The following CDH10 variants were observed in gnomAD, a reference collection of about 807,000 sequenced individuals.
CDH10 encodes cadherin 10.
In CDH10, 30 loss-of-function variants were observed where a neutral mutation model predicts 73.1. The observed-to-expected ratio is 0.41, with a 90% confidence interval of 0.31 to 0.56. CDH10 has a LOEUF of 0.56. Ranked by LOEUF, CDH10 falls within the 20% of genes least tolerant of loss-of-function variation. The probability of loss-of-function intolerance (pLI) is 0.27; values close to 1 mark genes in which losing one functional copy is unlikely to be tolerated. For synonymous variants in CDH10, 345 were observed against 348.2 expected (o/e 0.99, Z 0.10); for missense variants, 815 against 973.7 (o/e 0.84, Z 2.17).
rs1055115749 is a variant in CDH10, at chr5:24,625,556, TATATATTCATATATATAC to T, written c.-124+19020_-124+19037del. Among the ~76,000 whole-genome samples, 34 of 86,394 alleles carry T rather than the reference TATATATTCATATATATAC, an allele frequency of 3.9e-4. No homozygotes were observed. The South Asian group carries it at 7.0e-3, about 18-fold the overall frequency. 56.7% of individuals were successfully genotyped at this position (86,394 alleles called of 152,430 possible). A position where few individuals can be genotyped will look rare whatever the true frequency, so the allele number is the denominator to read the frequency against. ...ATCTATTTATCTATCTGTATATATA[TATATATTCATATATATAC>T]ATATATTCATATATATGAATATATA... is the stretch of plus-strand genomic sequence containing the variant. On this transcript the variant is annotated intron_variant, in intron 1 of 11. Transcript: ENST00000264463.
At chr5:24,557,688 C>T (rs559341736) in intron 2 of CDH10, among the ~76,000 whole-genome samples, 13 of 151,714 alleles carry the variant, frequency 8.6e-5, no homozygotes, top group Non-Finnish European at 1.8e-4. Context: ...CCTGAGGTTA[C>T]CAGTAAGCAT....
chr5:24,535,307 T>A (rs375641403), intron 4 of CDH10, 28 bp from the exon 5 acceptor site: 179 of 1,575,048 alleles, frequency 1.1e-4, no homozygotes, highest in Middle Eastern at 1.7e-4. Context: ...AAACTTCCAT[T>A]ATCTTCACTG....
intron 1 of CDH10, among the ~76,000 whole-genome samples, chr5:24,640,932 A>C (rs1481956258): frequency 1.3e-5 from 2 of 151,984 alleles, no homozygotes; most frequent in Non-Finnish European, 2.9e-5. Context: ...AGTTGCATTG[A>C]TAAGAGAGTT....
At chr5:24,636,647 C>T (rs572029506) in intron 1 of CDH10, among the ~76,000 whole-genome samples, 20 of 151,838 alleles carry the variant, frequency 1.3e-4, no homozygotes, top group Non-Finnish European at 2.5e-4. Flanking sequence ...CAAACCTGCA[C>T]ATGTACCCCT....
Position 24,505,013 on chromosome 5 carries a change from T to C in CDH10, c.1393+99A>G. The C allele has an allele frequency of 5.9e-6, 5 of 852,492 alleles. No individual in the cohort carries two copies. The South Asian group carries it at 9.0e-5, about 15-fold the overall frequency. 52.8% of individuals were successfully genotyped at this position (852,492 alleles called of 1,614,324 possible). On this transcript the variant is annotated intron_variant, in intron 8 of 11. Coordinates refer to ENST00000264463, the MANE Select transcript of CDH10 (RefSeq NM_006727.5). ...ATCTGTCCAATGAGAATGAATTATT[T>C]TTAATGTAAAATAAAACCTATAAAA...
intron 2 of CDH10, among the ~76,000 whole-genome samples, chr5:24,567,617 T>C (rs923942995): frequency 6.6e-6 from 1 of 151,884 alleles, no homozygotes; most frequent in Non-Finnish European, 1.5e-5. Context: ...TTGAATGAAA[T>C]CAGAAAGGTG....
intron 1 of CDH10, among the ~76,000 whole-genome samples, chr5:24,620,460 A>AAT (rs1399826410): frequency 6.6e-6 from 1 of 152,188 alleles, no homozygotes; most frequent in Admixed American, 6.5e-5. Context: ...GACCTTGAAT[A>AAT]ATATATATAA....
At chr5:24,570,082 CTA>C (rs1276797575) in intron 2 of CDH10, among the ~76,000 whole-genome samples, 4 of 151,980 alleles carry the variant, frequency 2.6e-5, no homozygotes, top group Non-Finnish European at 4.4e-5. Context: ...TGTGTGTTTT[CTA>C]TGAGATTTGT....
chr5:24,514,695 T>A (rs747499708), intron 5 of CDH10, among the ~76,000 whole-genome samples: 2 of 152,186 alleles, frequency 1.3e-5, no homozygotes, highest in African/African-American at 4.8e-5. Flanking sequence ...ATTTGGTGTA[T>A]AAAGTCTTAT....
Position 24,533,318 on chromosome 5 carries a change from C to A in CDH10, c.814+1794G>T, listed in dbSNP as rs1439933091. ...CTCCAGCCTGTGGCACAGAGTGAGACTCACTCTCAAAAATAATAATAATAA... is the reference window on the plus strand; with the variant it reads ...CTCCAGCCTGTGGCACAGAGTGAGAATCACTCTCAAAAATAATAATAATAA... On this transcript the variant is annotated intron_variant, in intron 5 of 11. Transcript: ENST00000264463. 2.0e-5 allele frequency among the ~76,000 whole-genome samples: 3 copies of A among 151,640 alleles called. No individual in the cohort carries two copies. The East Asian group carries it at 5.8e-4, about 29-fold the overall frequency.
chr5:24,588,103 T>C lies in CDH10; in HGVS notation c.231+5157A>G, dbSNP rs569552076. Among the ~76,000 whole-genome samples, 24 of 152,292 alleles carry C rather than the reference T, an allele frequency of 1.6e-4. No homozygotes were observed. In the Middle Eastern group the frequency reaches 0.01, roughly 65 times the overall value. On this transcript the variant is annotated intron_variant, in intron 2 of 11. Coordinates refer to ENST00000264463, the MANE Select transcript of CDH10 (RefSeq NM_006727.5). ...GTATGATCTTTACATATTAGAGAAGTAATGTCTATATTCATGCAAATGTCC... is the reference window on the plus strand; with the variant it reads ...GTATGATCTTTACATATTAGAGAAGCAATGTCTATATTCATGCAAATGTCC...
intron 2 of CDH10, among the ~76,000 whole-genome samples, chr5:24,581,830 C>T (rs892185028): frequency 6.6e-6 from 1 of 152,018 alleles, no homozygotes; most frequent in Non-Finnish European, 1.5e-5. Context: ...TCATTATTTG[C>T]TTGGATTTAT....
rs182460103 is a variant in CDH10 at position 24,591,149 on chromosome 5, T to A, written c.231+2111A>T. Among the ~76,000 whole-genome samples the A allele has an allele frequency of 3.7e-3, 570 of 152,194 alleles. 5 individuals carry two copies. Among genetic ancestry groups the A allele is most frequent in the Middle Eastern group, 0.014 (4 of 294 alleles). On this transcript the variant is annotated intron_variant, in intron 2 of 11. Coordinates refer to ENST00000264463, the MANE Select transcript of CDH10 (RefSeq NM_006727.5). ...TTGCCTTTTTGTCATATCATGTGTA[T>A]GTTTATCTCTTAAATAAGATTGTAA...
intron 5 of CDH10, among the ~76,000 whole-genome samples, chr5:24,523,995 G>A (rs1040454436): frequency 5.9e-5 from 9 of 152,010 alleles, no homozygotes; most frequent in Admixed American, 1.3e-4. Flanking sequence ...ATGCACATAA[G>A]TACATTAATT....
chr5:24,533,436 G>A (rs935089665), intron 5 of CDH10, among the ~76,000 whole-genome samples: 2 of 151,932 alleles, frequency 1.3e-5, no homozygotes, highest in African/African-American at 4.8e-5. Context: ...GGAGTTGGAG[G>A]TAGATTTAAT....
intron 5 of CDH10, among the ~76,000 whole-genome samples, chr5:24,520,172 T>C (rs1296756126): frequency 6.6e-6 from 1 of 152,156 alleles, no homozygotes; most frequent in Non-Finnish European, 1.5e-5. Flanking sequence ...TATGTAGACA[T>C]AGGTCATATA....
At chr5:24,605,890 C>G (rs114113466) in intron 1 of CDH10, among the ~76,000 whole-genome samples, 2,194 of 152,286 alleles carry the variant, frequency 0.014, 23 homozygotes, top group African/African-American at 0.036. Context: ...GTAATGGAAT[C>G]AACAATTGAC....
intron 1 of CDH10, among the ~76,000 whole-genome samples, chr5:24,630,054 G>A (rs879576852): frequency 6.6e-6 from 1 of 152,076 alleles, no homozygotes; most frequent in African/African-American, 2.4e-5. Flanking sequence ...GCTACTATGT[G>A]GGAGATACTA....
chr5:24,557,856 A>G (rs1420761429), intron 2 of CDH10, among the ~76,000 whole-genome samples: 1 of 151,794 alleles, frequency 6.6e-6, no homozygotes, highest in African/African-American at 2.4e-5. Flanking sequence ...TTAAAGAGGC[A>G]ACTAATGATG....
Sources: gnomAD v4.1 joint callset for allele counts (sites outside exome capture counted in the v4.1 genomes callset) on GRCh38, gnomAD v4.1.1 for gene constraint, MANE v1.5 for transcripts, NCBI Gene and HGNC (gene_info 2026-07-23, HGNC 2026-07-21) for gene names.